The following ADAP1 variants were observed in gnomAD, a reference collection of about 807,000 sequenced individuals.
ADAP1 encodes arf-GAP with dual PH domain-containing protein 1.
ADAP1 carries 31 observed loss-of-function variants against 54.9 expected under a neutral mutation model. The observed-to-expected ratio is 0.56, with a 90% CI of 0.42 to 0.76. The LOEUF is 0.76. Ranked by LOEUF, ADAP1 falls within the 30% of genes least tolerant of loss-of-function variation. ADAP1 has a pLI of 0.00. For synonymous variants in ADAP1, 313 were observed against 202.6 expected, an observed-to-expected ratio of 1.55 and a Z score of -4.63; for missense variants, 535 against 512.4, an observed-to-expected ratio of 1.04 and a Z score of -0.42.
At chr7:929,652 G>A (rs1488618467) in intron 2 of ADAP1, among the ~76,000 whole-genome samples, 1 of 152,106 alleles carries the variant, frequency 6.6e-6, no homozygotes, top group Non-Finnish European at 1.5e-5. Context: ...GTGATGGGAG[G>A]GGTGGTGAGT....
intron 1 of ADAP1, among the ~76,000 whole-genome samples, chr7:937,205 ACC>A (rs1846794856): frequency 8.8e-5 from 1 of 11,360 alleles, no homozygotes. Context: ...GTCACGCCCG[ACC>A]TCTGGGATTT....
intron 2 of ADAP1, among the ~76,000 whole-genome samples, chr7:932,975 C>G (rs978447122): frequency 3.3e-5 from 5 of 152,110 alleles, no homozygotes; most frequent in African/African-American, 1.2e-4. Context: ...ACTGCAGCCT[C>G]GAATTCCTTG....
At chr7:916,761 G>C (rs1230604749) in intron 4 of ADAP1, among the ~76,000 whole-genome samples, 1 of 152,142 alleles carries the variant, frequency 6.6e-6, no homozygotes, top group Non-Finnish European at 1.5e-5. Flanking sequence ...GGGGTTGGGG[G>C]GGCAGGAGCT....
chr7:916,295 C>T (rs1000164740), intron 4 of ADAP1, among the ~76,000 whole-genome samples: 1 of 152,168 alleles, frequency 6.6e-6, no homozygotes, highest in African/African-American at 2.4e-5. Flanking sequence ...AAACCAGGTC[C>T]CAACGACACC....
At chr7:900,253 C>A in intron 7 of ADAP1, 89 bp from the exon 8 acceptor site, 2 of 1,513,910 alleles carry the variant, frequency 1.3e-6, no homozygotes, top group Non-Finnish European at 1.8e-6. Flanking sequence ...CTCCCCTCAC[C>A]CCGGGCCACC....
At chr7:912,243 G>C (rs1430911020) in intron 4 of ADAP1, among the ~76,000 whole-genome samples, 1 of 152,166 alleles carries the variant, frequency 6.6e-6, no homozygotes, top group Non-Finnish European at 1.5e-5. Flanking sequence ...AGGAAGCCCC[G>C]CGTCTCAGCG....
intron 5 of ADAP1, among the ~76,000 whole-genome samples, chr7:904,689 A>G (rs982061750): frequency 1.3e-5 from 2 of 152,298 alleles, no homozygotes. Context: ...GTTCTTGCCA[A>G]TGTGTTTGTC....
At chr7:899,329 C>T (rs1267371148) in intron 9 of ADAP1, 68 bp from the exon 10 acceptor site, 4 of 1,605,148 alleles carry the variant, frequency 2.5e-6, no homozygotes, top group East Asian at 4.5e-5. Context: ...CAGGCCAGGA[C>T]TCGGGAGGCC....
chr7:900,087 G>T lies in ADAP1; in HGVS notation c.795+15C>A. On this transcript the variant is annotated intron_variant, in intron 8 of 10. Coordinates refer to ENST00000265846, the MANE Select transcript of ADAP1 (RefSeq NM_006869.4). ...TACCCCAGGCCACCCCAGGCCGCACGTGCGGCACACCCACCTTGGGCCCCG... is the reference window on the plus strand; with the variant it reads ...TACCCCAGGCCACCCCAGGCCGCACTTGCGGCACACCCACCTTGGGCCCCG... The T allele has an allele frequency of 6.2e-7, 1 of 1,612,874 alleles. No homozygotes were observed. The highest frequency in any genetic ancestry group is 1.1e-5 in the South Asian group (1 of 91,084).
chr7:935,300 C>A, intron 2 of ADAP1, 75 bp downstream of exon 2: 1 of 1,515,394 alleles, frequency 6.6e-7, no homozygotes. Context: ...GGCCGCCCGG[C>A]ATCTCTGGCT....
chr7:937,142 T>G (rs1583180214), intron 1 of ADAP1, among the ~76,000 whole-genome samples: 1 of 84,878 alleles, frequency 1.2e-5, no homozygotes, highest in African/African-American at 4.9e-5. Flanking sequence ...GATTTGGGGG[T>G]CACGCCCGGC....
chr7:906,539 GA>G (rs1180298104), intron 4 of ADAP1, among the ~76,000 whole-genome samples: 2 of 27,296 alleles, frequency 7.3e-5, no homozygotes, highest in East Asian at 9.6e-3. Context: ...AAGGAGAAAG[GA>G]GAAGGGAGAA....
chr7:904,312 C>G, intron 5 of ADAP1, 40 bp from the exon 6 acceptor site: 1 of 1,530,538 alleles, frequency 6.5e-7, no homozygotes, highest in Non-Finnish European at 8.8e-7. Flanking sequence ...CAGGGGCCGT[C>G]GTCCAAGCTC....
At chr7:944,999 G>C (rs1009600910) in intron 1 of ADAP1, among the ~76,000 whole-genome samples, 1 of 152,166 alleles carries the variant, frequency 6.6e-6, no homozygotes, top group Non-Finnish European at 1.5e-5. Context: ...GAAATAGAAG[G>C]TGGCCTTCTG....
At chr7:935,324 C>G (rs148726371) in intron 2 of ADAP1, 51 bp downstream of exon 2, 27,136 of 1,536,786 alleles carry the variant, frequency 0.018, 298 homozygotes, top group Non-Finnish European at 0.021. Flanking sequence ...GAGGCCCGGG[C>G]TGAGGCCACC....
chr7:947,037 GT>G (rs996880081), intron 1 of ADAP1, among the ~76,000 whole-genome samples: 5 of 151,374 alleles, frequency 3.3e-5, no homozygotes, highest in African/African-American at 4.8e-5. Flanking sequence ...TTGGGGTTTT[GT>G]TTTTTTTCAT....
intron 1 of ADAP1, among the ~76,000 whole-genome samples, chr7:951,671 G>A (rs1436412995): frequency 1.3e-5 from 2 of 151,752 alleles, no homozygotes. Flanking sequence ...GGAGGCAGAG[G>A]CTGCAGTGAG....
chr7:947,941 C>T (rs1297361936), intron 1 of ADAP1, among the ~76,000 whole-genome samples: 2 of 151,556 alleles, frequency 1.3e-5, no homozygotes, highest in African/African-American at 4.9e-5. Flanking sequence ...CCTCACTTCT[C>T]CTTTGACCTG....
At chr7:906,890 C>T (rs1170488608) in intron 4 of ADAP1, among the ~76,000 whole-genome samples, 2 of 142,012 alleles carry the variant, frequency 1.4e-5, no homozygotes, top group Non-Finnish European at 3.1e-5. Context: ...CAACCCTGGC[C>T]CAAGCCAGCC....
Sources: gnomAD v4.1 joint callset for allele counts (sites outside exome capture counted in the v4.1 genomes callset) on GRCh38, gnomAD v4.1.1 for gene constraint, MANE v1.5 for transcripts, NCBI Gene and HGNC (gene_info 2026-07-23, HGNC 2026-07-21) for gene names.